The following TP73 variants were observed in gnomAD, a reference collection of about 807,000 sequenced individuals.
TP73 encodes tumor protein p73.
Under a neutral mutation model 62.5 loss-of-function variants are expected in TP73, and 25 were observed. The ratio of observed to expected loss-of-function variants is 0.40; its 90% CI spans 0.29 to 0.56. The LOEUF (loss-of-function observed/expected upper bound fraction) is 0.56, where lower values mean the gene tolerates loss of function less well. Among genes scored for constraint, TP73 ranks in the 20% least tolerant of loss-of-function variants. The probability of loss-of-function intolerance (pLI) is 0.46; values close to 1 mark genes in which losing one functional copy is unlikely to be tolerated. For synonymous variants in TP73, 423 were observed against 377.5 expected, an observed-to-expected ratio of 1.12 and a Z score of -1.40; for missense variants, 754 against 913.3, an observed-to-expected ratio of 0.83 and a Z score of 2.25.
intron 1 of TP73, among the ~76,000 whole-genome samples, chr1:3,667,723 C>T (rs1297708325): frequency 6.8e-6 from 1 of 148,066 alleles, no homozygotes; most frequent in Non-Finnish European, 1.5e-5. Flanking sequence ...GCACTCCAGC[C>T]TGGGCGACAG....
chr1:3,670,403 A>G lies in TP73; in HGVS notation c.-33-11930A>G, dbSNP rs1246936089. Among the ~76,000 whole-genome samples, 1 of 152,090 alleles carries G rather than the reference A, an allele frequency of 6.6e-6. No individual in the cohort carries two copies. The highest frequency in any genetic ancestry group is 1.9e-4 in the East Asian group (1 of 5,172). ...AAGAAGGCCAGGCGTGGTGGCTCAC[A>G]TCTGTAATCCCAGCACTCTGGGAGG... On this transcript the variant is annotated intron_variant, in intron 1 of 13. Coordinates refer to ENST00000378295, the MANE Select transcript of TP73 (RefSeq NM_005427.4). This position sits in a 1 kb window ranked among gnomAD's most constrained non-coding sequence, Gnocchi z 5.9.
Position 3,675,376 on chromosome 1 carries a change from G to C in TP73, c.-33-6957G>C, listed in dbSNP as rs114956483. ...TTCTTTGCCACTTCAGATTGGAATC[G>C]TTGATCTGCTGAAATAACAGGTAAA... On this transcript the variant is annotated intron_variant, in intron 1 of 13. Transcript: ENST00000378295. Among the ~76,000 whole-genome samples, 836 of 152,210 alleles carry C rather than the reference G, an allele frequency of 5.5e-3. 8 individuals carry two copies. The highest frequency in any genetic ancestry group is 0.019 in the African/African-American group (777 of 41,512).
intron 4 of TP73, among the ~76,000 whole-genome samples, chr1:3,719,907 T>TGTGTGTGTGTGTTC (rs1187531486): frequency 4.7e-5 from 7 of 150,236 alleles, no homozygotes; most frequent in African/African-American, 1.7e-4. Context: ...TGTGTGTGTG[T>TGTGTGTGTGTGTTC]GTGTGTGTGT....
intron 1 of TP73, among the ~76,000 whole-genome samples, chr1:3,667,343 G>A (rs961523790): frequency 6.6e-6 from 1 of 152,238 alleles, no homozygotes; most frequent in African/African-American, 2.4e-5. Context: ...CTGTAAGAGA[G>A]TAAATTTATC....
rs533839530 is a variant in TP73 at position 3,666,775 on chromosome 1, T to G, written c.-34+14134T>G. On this transcript the variant is annotated intron_variant, in intron 1 of 13. Transcript: ENST00000378295. This position sits in a 1 kb window ranked among gnomAD's most constrained non-coding sequence, Gnocchi z 6.4. ...GGATGGTGCTCTGAGCAGACGCGAC[T>G]CAGTGCCATGCGGGCGTCTCTCCCA... is the stretch of plus-strand genomic sequence containing the variant. 6.6e-6 allele frequency among the ~76,000 whole-genome samples: 1 copy of G among 152,288 alleles called. No individual in the cohort carries two copies. Among genetic ancestry groups the G allele is most frequent in the African/African-American group, 2.4e-5 (1 of 41,554 alleles).
At chr1:3,728,903 G>C (rs1003320940) in intron 9 of TP73, among the ~76,000 whole-genome samples, 1 of 152,090 alleles carries the variant, frequency 6.6e-6, no homozygotes, top group Admixed American at 6.5e-5. Context: ...CAGGAGGATC[G>C]CCTGAGCCCA....
intron 11 of TP73, 116 bp downstream of exon 11, chr1:3,730,264 T>A: frequency 8.1e-7 from 1 of 1,230,868 alleles, no homozygotes; most frequent in South Asian, 2.1e-5. Flanking sequence ...TGTGGCTGGC[T>A]CCTTCCAGCG....
rs1306171833 is a variant in TP73, at chr1:3,672,810, C to G, written c.-33-9523C>G. Reference sequence around the variant, plus strand: ...CCTCCTGCCGCCAACCTCGTCCCCCCAAGGGCCATGTCCCTGCCCACCCCT... The same window carrying G: ...CCTCCTGCCGCCAACCTCGTCCCCCGAAGGGCCATGTCCCTGCCCACCCCT... On this transcript the variant is annotated intron_variant, in intron 1 of 13. Coordinates refer to ENST00000378295, the MANE Select transcript of TP73 (RefSeq NM_005427.4). The surrounding 1 kb of genome is among the most constrained non-coding windows in gnomAD (Gnocchi z 5.3). 1.3e-5 allele frequency among the ~76,000 whole-genome samples: 2 copies of G among 152,184 alleles called. No homozygotes were observed.
Position 3,733,380 on chromosome 1 carries a change from C to A in TP73, c.*301C>A. The stretch of plus-strand genomic sequence containing the variant: ...CTGCCCCGGCGTGCTCCATGGCAGG[C>A]GTGGGTGGGGACCGCAGCGTCGGCT... On this transcript the variant is annotated 3_prime_UTR_variant, in exon 14 of 14. Coordinates refer to ENST00000378295, the MANE Select transcript of TP73 (RefSeq NM_005427.4). 2.2e-6 allele frequency: 1 copy of A among 457,262 alleles called. No homozygotes were observed. The highest frequency in any genetic ancestry group is 3.9e-6 in the Non-Finnish European group (1 of 254,690). The allele number at this position is 457,262 out of a possible 1,614,324, so 28.3% of individuals were successfully genotyped here.
At chr1:3,697,325 G>A (rs757584264) in intron 3 of TP73, among the ~76,000 whole-genome samples, 2 of 152,176 alleles carry the variant, frequency 1.3e-5, no homozygotes, top group Non-Finnish European at 2.9e-5. Flanking sequence ...CACCTCTCCC[G>A]CTATCCCCCT....
chr1:3,726,007 G>A (rs1641529070), intron 6 of TP73, among the ~76,000 whole-genome samples: 1 of 106,062 alleles, frequency 9.4e-6, no homozygotes, highest in Non-Finnish European at 2.0e-5. Context: ...TGGGTGGATG[G>A]ATGGGGTGGG....
chr1:3,693,765 C>A (rs1412713267), intron 3 of TP73, among the ~76,000 whole-genome samples: 1 of 135,416 alleles, frequency 7.4e-6, no homozygotes, highest in Non-Finnish European at 1.6e-5. Flanking sequence ...CCCACAATCC[C>A]ACCCATGCAG....
At chr1:3,712,803 G>A (rs1640260570) in intron 4 of TP73, among the ~76,000 whole-genome samples, 1 of 152,094 alleles carries the variant, frequency 6.6e-6, no homozygotes. Context: ...GGCACACCAG[G>A]GTCACCTGTC....
chr1:3,690,659 G>C (rs987618643), intron 3 of TP73: 2 of 1,400,692 alleles, frequency 1.4e-6, no homozygotes, highest in East Asian at 5.3e-5. Flanking sequence ...GGTGGGCCGC[G>C]GGTTTTGTTG....
At chr1:3,687,795 G>T (rs1449537418) in intron 3 of TP73, among the ~76,000 whole-genome samples, 1 of 152,148 alleles carries the variant, frequency 6.6e-6, no homozygotes, top group Non-Finnish European at 1.5e-5. Flanking sequence ...CTGACAACAG[G>T]TGTTGTGGGC....
chr1:3,705,156 C>A (rs1639521498), intron 3 of TP73, among the ~76,000 whole-genome samples: 1 of 152,252 alleles, frequency 6.6e-6, no homozygotes, highest in African/African-American at 2.4e-5. Flanking sequence ...CCCGCCTCTG[C>A]CCCCCAGAAT....
At chr1:3,697,609 G>A (rs1638784885) in intron 3 of TP73, among the ~76,000 whole-genome samples, 1 of 152,266 alleles carries the variant, frequency 6.6e-6, no homozygotes, top group South Asian at 2.1e-4. Context: ...TCAGCATGGA[G>A]GGCCGGGGTC....
At chr1:3,710,588 A>T (rs946604833) in intron 4 of TP73, among the ~76,000 whole-genome samples, 26 of 152,294 alleles carry the variant, frequency 1.7e-4, no homozygotes, top group African/African-American at 6.0e-4. Flanking sequence ...ACAAGTCCAC[A>T]TTGGCTGCCG....
At chr1:3,731,624 A>G in intron 13 of TP73, 68 bp downstream of exon 13, 1 of 1,410,608 alleles carries the variant, frequency 7.1e-7, no homozygotes, top group Non-Finnish European at 1.0e-6. Context: ...GAGGGCAAAG[A>G]GCCTTCTCTT....
Sources: allele counts gnomAD v4.1 joint callset (sites outside exome capture counted in the v4.1 genomes callset), GRCh38; gene constraint gnomAD v4.1.1; non-coding constraint Gnocchi (gnomAD v3.1); transcripts MANE v1.5; gene names NCBI Gene and HGNC (gene_info 2026-07-23, HGNC 2026-07-21).